The following DENND1A variants were observed in gnomAD, a reference collection of about 807,000 sequenced individuals.
The protein encoded by DENND1A is DENN domain-containing protein 1A.
A neutral mutation model predicts 113.7 loss-of-function variants in DENND1A; 51 were observed. The observed-to-expected ratio is 0.45, with a 90% CI of 0.36 to 0.57. The LOEUF (loss-of-function observed/expected upper bound fraction) is 0.57, where lower values mean the gene tolerates loss of function less well. DENND1A is among the 20% of genes least tolerant of loss of function. The pLI, the probability that DENND1A is intolerant of heterozygous loss-of-function variation, is 0.00. For missense variants in DENND1A, 1,258 were observed against 1,395.9 expected, an observed-to-expected ratio of 0.90 and a Z score of 1.57; for synonymous variants, 565 against 570.8, an observed-to-expected ratio of 0.99 and a Z score of 0.14.
intron 13 of DENND1A, among the ~76,000 whole-genome samples, chr9:123,488,740 A>G (rs1199635884): frequency 1.3e-5 from 2 of 152,236 alleles, no homozygotes; most frequent in Non-Finnish European, 2.9e-5. Context: ...TTAACATTAC[A>G]TAAAGTAAAC....
rs75025743 is a variant in DENND1A, at chr9:123,748,849, G to A, written c.302+8854C>T. Among the ~76,000 whole-genome samples, 1,351 of 152,210 alleles carry A rather than the reference G, an allele frequency of 8.9e-3. 15 individuals carry two copies. The highest frequency in any genetic ancestry group is 0.031 in the African/African-American group (1,272 of 41,494). ...AATGCTTTTTCATCTCCCAAAAAGG[G>A]TCCCTCATGTCGAATTCTGAGATCC... On this transcript the variant is annotated intron_variant, in intron 5 of 23. Coordinates refer to ENST00000394215, the MANE Select transcript of DENND1A (RefSeq NM_001352964.2).
intron 2 of DENND1A, among the ~76,000 whole-genome samples, chr9:123,832,154 GCA>G (rs1242226525): frequency 6.6e-6 from 1 of 152,002 alleles, no homozygotes; most frequent in African/African-American, 2.4e-5. Flanking sequence ...GAAAGATAAG[GCA>G]CAGAGTACAA....
intron 11 of DENND1A, among the ~76,000 whole-genome samples, chr9:123,606,705 G>T (rs1001408286): frequency 1.3e-5 from 2 of 152,212 alleles, no homozygotes. Context: ...TTCACTCAAC[G>T]CTTCTTTTCA....
chr9:123,430,132 A>C (rs934763279), intron 19 of DENND1A, among the ~76,000 whole-genome samples: 4 of 152,262 alleles, frequency 2.6e-5, no homozygotes, highest in African/African-American at 9.6e-5. Context: ...TCAAAACCAC[A>C]ATGAGATACC....
chr9:123,571,298 T>G (rs1328096071), intron 12 of DENND1A, among the ~76,000 whole-genome samples: 1 of 152,198 alleles, frequency 6.6e-6, no homozygotes, highest in Non-Finnish European at 1.5e-5. Context: ...TTTTAAAAAT[T>G]AACTAAGTCA....
intron 2 of DENND1A, chr9:123,843,290 T>C (rs1259954523): frequency 4.7e-6 from 2 of 421,192 alleles, no homozygotes; most frequent in African/African-American, 4.2e-5. Flanking sequence ...ATGCTGTATC[T>C]ACCTTCTTTT....
intron 19 of DENND1A, among the ~76,000 whole-genome samples, chr9:123,428,014 G>A (rs1252394893): frequency 6.6e-6 from 1 of 152,154 alleles, no homozygotes; most frequent in East Asian, 1.9e-4. Context: ...ATAAAAAAAT[G>A]GGGTCTAGGT....
At chr9:123,783,578 T>C (rs1831646629) in intron 3 of DENND1A, among the ~76,000 whole-genome samples, 1 of 152,198 alleles carries the variant, frequency 6.6e-6, no homozygotes, top group South Asian at 2.1e-4. Context: ...CTCATAGCTA[T>C]CCTACAAGGT....
intron 1 of DENND1A, among the ~76,000 whole-genome samples, chr9:123,910,129 A>G (rs953666586): frequency 2.6e-5 from 4 of 152,214 alleles, no homozygotes; most frequent in African/African-American, 9.6e-5. Context: ...AATTCCATCA[A>G]AATTGTGGAA....
intron 21 of DENND1A, among the ~76,000 whole-genome samples, chr9:123,388,868 C>A (rs917661556): frequency 6.6e-6 from 1 of 152,172 alleles, no homozygotes; most frequent in African/African-American, 2.4e-5. Context: ...GCACTTTGAG[C>A]CTGCTTGGTG....
intron 2 of DENND1A, among the ~76,000 whole-genome samples, chr9:123,817,509 G>C (rs1590210983): frequency 6.6e-6 from 1 of 152,234 alleles, no homozygotes; most frequent in South Asian, 2.1e-4. Context: ...GCCCTCACAA[G>C]ATAATAACCT....
At chr9:123,641,436 C>CAAAAAA (rs34664320) in intron 9 of DENND1A, among the ~76,000 whole-genome samples, 1 of 113,448 alleles carries the variant, frequency 8.8e-6, no homozygotes, top group Non-Finnish European at 1.9e-5. Flanking sequence ...AATGAAATGG[C>CAAAAAA]AAAAAAAAAA....
intron 2 of DENND1A, among the ~76,000 whole-genome samples, chr9:123,847,920 C>T (rs528715980): frequency 2.0e-5 from 3 of 151,796 alleles, no homozygotes; most frequent in African/African-American, 7.2e-5. Flanking sequence ...GGCGACAGAG[C>T]GAGACTTCAT....
chr9:123,443,350 A>G (rs1564497782), intron 18 of DENND1A, among the ~76,000 whole-genome samples: 1 of 152,180 alleles, frequency 6.6e-6, no homozygotes. Flanking sequence ...TATCAACTGT[A>G]AGTTCGTTGG....
intron 10 of DENND1A, among the ~76,000 whole-genome samples, chr9:123,627,992 C>T (rs2061316114): frequency 6.6e-6 from 1 of 151,962 alleles, no homozygotes; most frequent in African/African-American, 2.4e-5. Flanking sequence ...TATTTTCAGC[C>T]CTCAACAGAG....
intron 2 of DENND1A, among the ~76,000 whole-genome samples, chr9:123,853,720 T>C (rs1843730757): frequency 6.6e-6 from 1 of 152,138 alleles, no homozygotes; most frequent in Non-Finnish European, 1.5e-5. Flanking sequence ...GAAACAAATC[T>C]TTCTGTGAGG....
chr9:123,669,784 T>C (rs1360770320), intron 7 of DENND1A, among the ~76,000 whole-genome samples: 4 of 152,218 alleles, frequency 2.6e-5, no homozygotes, highest in African/African-American at 9.6e-5. Context: ...TCCCCTGCCG[T>C]ATGAGAATTT....
At chr9:123,710,567 C>A (rs1430192513) in intron 5 of DENND1A, among the ~76,000 whole-genome samples, 5 of 118,260 alleles carry the variant, frequency 4.2e-5, no homozygotes, top group Admixed American at 3.3e-4. Flanking sequence ...ACACTGGCAT[C>A]ATACAAATTT....
intron 13 of DENND1A, among the ~76,000 whole-genome samples, chr9:123,553,923 A>C (rs1337919457): frequency 1.3e-5 from 2 of 152,118 alleles, no homozygotes; most frequent in Non-Finnish European, 2.9e-5. Flanking sequence ...ACGCCCAACT[A>C]ATTTTTGTAT....
Sources: allele counts gnomAD v4.1 joint callset (sites outside exome capture counted in the v4.1 genomes callset), GRCh38; gene constraint gnomAD v4.1.1; transcripts MANE v1.5; gene names NCBI Gene and HGNC (gene_info 2026-07-23, HGNC 2026-07-21).